NEDD4: variants seen among roughly 807,000 people sequenced by gnomAD.
NEDD4 encodes the protein E3 ubiquitin-protein ligase NEDD4.
In NEDD4, 99 loss-of-function variants were observed where a neutral mutation model predicts 144.9. The ratio of observed to expected loss-of-function variants is 0.68; its 90% CI spans 0.58 to 0.81. The LOEUF (loss-of-function observed/expected upper bound fraction) is 0.81, where lower values mean the gene tolerates loss of function less well. NEDD4 is among the 30% of genes least tolerant of loss of function. The pLI, the probability that NEDD4 is intolerant of heterozygous loss-of-function variation, is 0.00. For missense variants in NEDD4, 985 were observed against 1,065.9 expected (o/e 0.92, Z 1.06); for synonymous variants, 318 against 350.6 (o/e 0.91, Z 1.04).
chr15:55,862,593 A>G (rs1353937609), intron 9 of NEDD4, among the ~76,000 whole-genome samples: 2 of 152,168 alleles, frequency 1.3e-5, no homozygotes, highest in African/African-American at 2.4e-5. Flanking sequence ...AACAAACTAC[A>G]AGAATTCTCC....
chr15:55,944,701 C>T (rs1415993653), intron 4 of NEDD4, among the ~76,000 whole-genome samples: 1 of 152,178 alleles, frequency 6.6e-6, no homozygotes, highest in Non-Finnish European at 1.5e-5. Context: ...GTCCCTGACC[C>T]CCGTGTAGCC....
At chr15:55,882,475 A>G (rs1436724047) in intron 5 of NEDD4, among the ~76,000 whole-genome samples, 1 of 152,220 alleles carries the variant, frequency 6.6e-6, no homozygotes, top group African/African-American at 2.4e-5. Flanking sequence ...TGGCATTTAG[A>G]TCAGCCAGAG....
At chr15:55,839,789 A>T (rs1373547421) in intron 21 of NEDD4, among the ~76,000 whole-genome samples, 2 of 151,454 alleles carry the variant, frequency 1.3e-5, no homozygotes, top group Non-Finnish European at 1.5e-5. Context: ...CATCCTGGTG[A>T]ACACGGTGAA....
intron 22 of NEDD4, 24 bp from the exon 23 acceptor site, chr15:55,838,204 ATATGT>A (rs771026536): frequency 8.0e-6 from 12 of 1,499,748 alleles, no homozygotes; most frequent in Admixed American, 1.9e-5. Context: ...CAATAACTTG[ATATGT>A]TATTTTAGCG....
chr15:55,907,081 C>A (rs2036126054), intron 5 of NEDD4, among the ~76,000 whole-genome samples: 1 of 150,834 alleles, frequency 6.6e-6, no homozygotes, highest in Non-Finnish European at 1.5e-5. Context: ...GGCGACAGAG[C>A]CAGACTGTCT....
intron 11 of NEDD4, among the ~76,000 whole-genome samples, chr15:55,856,913 A>C (rs888974289): frequency 6.6e-6 from 1 of 152,188 alleles, no homozygotes; most frequent in African/African-American, 2.4e-5. Context: ...CAGAATATCC[A>C]CTGTAGTACT....
intron 4 of NEDD4, among the ~76,000 whole-genome samples, chr15:55,929,091 G>C (rs917456929): frequency 6.6e-6 from 1 of 152,148 alleles, no homozygotes; most frequent in Non-Finnish European, 1.5e-5. Flanking sequence ...AGATGAAGCA[G>C]GGATGGAAGT....
At chr15:55,832,937 C>A (rs8024944) in intron 27 of NEDD4, 71 bp downstream of exon 27, 335,373 of 1,010,904 alleles carry the variant, frequency 0.33, 56,698 homozygotes, top group South Asian at 0.43. Context: ...TGGAAGCTTG[C>A]GGATTCGTCA....
chr15:55,974,891 CTTTT>C lies in NEDD4; in HGVS notation c.46-8349_46-8346del, dbSNP rs56285555. 6.1e-3 allele frequency among the ~76,000 whole-genome samples: 464 copies of C among 75,720 alleles called. 4 individuals are homozygous for C. Among genetic ancestry groups the C allele is most frequent in the African/African-American group, 0.022 (437 of 19,674 alleles). 49.7% of individuals were successfully genotyped at this position (75,720 alleles called of 152,430 possible). ...TAAGGATGTCCATTTCTTTTCCTTT[CTTTT>C]TTTTTTTTTTTTTTTTTGAGATGGA... On this transcript the variant is annotated intron_variant, in intron 1 of 28. Coordinates refer to ENST00000435532, the MANE Select transcript of NEDD4 (RefSeq NM_006154.4).
At chr15:55,875,949 T>C (rs2034978144) in intron 5 of NEDD4, among the ~76,000 whole-genome samples, 6 of 152,018 alleles carry the variant, frequency 3.9e-5, no homozygotes, top group Non-Finnish European at 1.5e-5. Context: ...AAAGAAAACA[T>C]GGGTAGGCAC....
intron 5 of NEDD4, among the ~76,000 whole-genome samples, chr15:55,877,973 A>C (rs1282091878): frequency 6.6e-6 from 1 of 152,148 alleles, no homozygotes; most frequent in Non-Finnish European, 1.5e-5. Context: ...AAAATGATTC[A>C]GGTTCAGCAT....
At chr15:55,974,484 A>G (rs1054124311) in intron 1 of NEDD4, among the ~76,000 whole-genome samples, 18 of 152,200 alleles carry the variant, frequency 1.2e-4, no homozygotes, top group African/African-American at 4.3e-4. Context: ...CTACAGGCCA[A>G]TATCTCTGAT....
At chr15:55,842,233 G>C (rs1424490015) in intron 18 of NEDD4, 70 bp from the exon 19 acceptor site, 1 of 1,290,906 alleles carries the variant, frequency 7.7e-7, no homozygotes, top group Non-Finnish European at 1.1e-6. Context: ...CTCTCATAAA[G>C]TTATAACATT....
intron 1 of NEDD4, among the ~76,000 whole-genome samples, chr15:55,982,090 G>A (rs2037813237): frequency 6.6e-6 from 1 of 152,330 alleles, no homozygotes; most frequent in East Asian, 1.9e-4. Context: ...CTGGGAGACA[G>A]GAGTAGGAGG....
chr15:55,834,519 G>A (rs548174429), intron 24 of NEDD4, among the ~76,000 whole-genome samples: 3 of 128,588 alleles, frequency 2.3e-5, no homozygotes, highest in Non-Finnish European at 3.5e-5. Flanking sequence ...GTGGCCAGAC[G>A]CAGTGGCTCA....
In NEDD4 at chr15:55,993,478, G is replaced by A. The variant is rs780204545; in HGVS notation, c.45+33C>T. 23 of 1,592,824 alleles carry A rather than the reference G, an allele frequency of 1.4e-5. No homozygotes were observed. The Middle Eastern group carries it at 1.1e-3, about 78-fold the overall frequency. ...GTCCGGCTGCTGAATAACCCGAAGGGAAGCCCGCCCCGCAGCCCCGCGGTC... is the reference window on the plus strand; with the variant it reads ...GTCCGGCTGCTGAATAACCCGAAGGAAAGCCCGCCCCGCAGCCCCGCGGTC... On this transcript the variant is annotated intron_variant, in intron 1 of 28. Transcript: ENST00000435532.
chr15:55,960,137 G>A (rs1226890218), intron 2 of NEDD4, among the ~76,000 whole-genome samples: 2 of 152,062 alleles, frequency 1.3e-5, no homozygotes, highest in African/African-American at 4.8e-5. Flanking sequence ...TACCCCCAAA[G>A]GACTGCAGAA....
At chr15:55,981,420 C>T (rs1373032164) in intron 1 of NEDD4, among the ~76,000 whole-genome samples, 4 of 151,998 alleles carry the variant, frequency 2.6e-5, no homozygotes, top group Admixed American at 6.6e-5. Flanking sequence ...CCGTATTTTC[C>T]AAACTAAACA....
rs569859815 is a variant in NEDD4, at chr15:55,955,090, G to A, written c.120-3501C>T. 3.1e-3 allele frequency among the ~76,000 whole-genome samples: 477 copies of A among 151,928 alleles called. 1 individual carries two copies. The highest frequency in any genetic ancestry group is 4.4e-3 in the Non-Finnish European group (298 of 67,994). The stretch of plus-strand genomic sequence containing the variant: ...GGCTGGAGTGCAGTGCTGCAATCTC[G>A]GCTCACTCGAAACCTCTGCCTCCCG... On this transcript the variant is annotated intron_variant, in intron 2 of 28. Transcript: ENST00000435532.
Sources: allele counts gnomAD v4.1 joint callset (sites outside exome capture counted in the v4.1 genomes callset), GRCh38; gene constraint gnomAD v4.1.1; transcripts MANE v1.5; gene names NCBI Gene and HGNC (gene_info 2026-07-23, HGNC 2026-07-21).